QTMAN: variants seen among roughly 807,000 people sequenced by gnomAD.
QTMAN encodes the protein tRNA-queuosine alpha-mannosyltransferase.
At chr2:144,108,242 A>C in the QTMAN span, among the ~76,000 whole-genome samples, 1 of 152,214 alleles carries the variant, frequency 6.6e-6, no homozygotes, top group African/African-American at 2.4e-5. Flanking sequence ...ATAGTGTTGG[A>C]AGTTCTGGCC....
chr2:144,090,749 C>T, the QTMAN span, among the ~76,000 whole-genome samples: 6 of 151,964 alleles, frequency 3.9e-5, no homozygotes, highest in Non-Finnish European at 7.4e-5. Context: ...AGATTCAATA[C>T]TGTTAATACG....
chr2:144,082,236 T>C, the QTMAN span, among the ~76,000 whole-genome samples: 1 of 152,266 alleles, frequency 6.6e-6, no homozygotes, highest in African/African-American at 2.4e-5. Flanking sequence ...CCCCTTCTGC[T>C]GATATTATAT....
chr2:144,101,433 T>A, the QTMAN span, among the ~76,000 whole-genome samples: 1 of 152,100 alleles, frequency 6.6e-6, no homozygotes, highest in Non-Finnish European at 1.5e-5. Flanking sequence ...CTGTGAAATG[T>A]ATCTAATTGT....
At chr2:144,125,327 T>C in the QTMAN span, among the ~76,000 whole-genome samples, 24 of 152,030 alleles carry the variant, frequency 1.6e-4, no homozygotes, top group Non-Finnish European at 5.9e-5. Flanking sequence ...TTTAGTTACA[T>C]AGCATGTAAT....
At chr2:144,295,350 A>G in the QTMAN span, 1 of 152,356 alleles carries the variant, frequency 6.6e-6, no homozygotes, top group African/African-American at 2.4e-5. Flanking sequence ...CACAGATGCC[A>G]TATTTTCACT....
the QTMAN span, among the ~76,000 whole-genome samples, chr2:144,316,449 T>C: frequency 1.3e-5 from 2 of 152,200 alleles, no homozygotes; most frequent in Non-Finnish European, 2.9e-5. Flanking sequence ...GATGACTGCT[T>C]GAACCAGTCC....
the QTMAN span, among the ~76,000 whole-genome samples, chr2:144,141,516 T>C: frequency 3.3e-5 from 5 of 151,076 alleles, no homozygotes; most frequent in African/African-American, 7.3e-5. Context: ...CCAGTTCTTA[T>C]TGTATATATA....
chr2:144,327,034 C>T, the QTMAN span, among the ~76,000 whole-genome samples: 1 of 152,150 alleles, frequency 6.6e-6, no homozygotes, highest in African/African-American at 2.4e-5. Flanking sequence ...AGCCTCTGAC[C>T]TTCTCCTGCC....
At chr2:144,163,886 T>A in the QTMAN span, among the ~76,000 whole-genome samples, 1 of 152,294 alleles carries the variant, frequency 6.6e-6, no homozygotes, top group East Asian at 1.9e-4. Context: ...GACTGCCTGC[T>A]TTGCTAACTA....
the QTMAN span, among the ~76,000 whole-genome samples, chr2:144,115,909 G>A: frequency 1.3e-5 from 2 of 152,104 alleles, no homozygotes; most frequent in African/African-American, 2.4e-5. Context: ...CTGCTCCAGG[G>A]CAGGGCAAAA....
chr2:144,240,872 C>T, the QTMAN span, among the ~76,000 whole-genome samples: 1 of 152,208 alleles, frequency 6.6e-6, no homozygotes, highest in Non-Finnish European at 1.5e-5. Flanking sequence ...AGCTGCTTCA[C>T]TTAATACCCA....
the QTMAN span, among the ~76,000 whole-genome samples, chr2:144,188,091 G>A: frequency 1.3e-5 from 2 of 151,782 alleles, no homozygotes; most frequent in Non-Finnish European, 2.9e-5. Flanking sequence ...GGCCCTGCTG[G>A]CCCTGATATT....
At chr2:144,287,393 C>T in the QTMAN span, among the ~76,000 whole-genome samples, 2 of 150,560 alleles carry the variant, frequency 1.3e-5, no homozygotes, top group Non-Finnish European at 2.9e-5. Flanking sequence ...GAGCCAAGAT[C>T]GCGCCACTGC....
chr2:144,134,496 T>C, the QTMAN span, among the ~76,000 whole-genome samples: 2 of 152,174 alleles, frequency 1.3e-5, no homozygotes, highest in African/African-American at 4.8e-5. Context: ...AGAAATGCTC[T>C]TTATATAATC....
the QTMAN span, among the ~76,000 whole-genome samples, chr2:144,254,455 T>G: frequency 6.6e-6 from 1 of 151,972 alleles, no homozygotes; most frequent in African/African-American, 2.4e-5. Flanking sequence ...CAAAAAGGAA[T>G]TAAGGTTTGG....
chr2:144,130,286 C>G, the QTMAN span, among the ~76,000 whole-genome samples: 2 of 151,804 alleles, frequency 1.3e-5, no homozygotes, highest in Non-Finnish European at 2.9e-5. Context: ...AGAAGACCCT[C>G]AAAACATACA....
the QTMAN span, among the ~76,000 whole-genome samples, chr2:144,080,978 T>C: frequency 6.6e-6 from 1 of 152,208 alleles, no homozygotes; most frequent in Admixed American, 6.5e-5. Context: ...TATCAGGGGA[T>C]TGCCTGTTGT....
At chr2:144,280,943 A>G in the QTMAN span, among the ~76,000 whole-genome samples, 1 of 152,108 alleles carries the variant, frequency 6.6e-6, no homozygotes, top group Middle Eastern at 3.4e-3. Flanking sequence ...GTTTTAGGGT[A>G]CATGTGCACA....
At chr2:144,014,423 G>A in the QTMAN span, among the ~76,000 whole-genome samples, 2 of 152,128 alleles carry the variant, frequency 1.3e-5, no homozygotes, top group African/African-American at 4.8e-5. Flanking sequence ...ATGAAATACA[G>A]CATTCTGTGA....
Sources: gnomAD v4.1 joint callset for allele counts (sites outside exome capture counted in the v4.1 genomes callset) on GRCh38, gnomAD v4.1.1 for gene constraint, MANE v1.5 for transcripts, NCBI Gene and HGNC (gene_info 2026-07-23, HGNC 2026-07-21) for gene names.